SYNE2: variants seen among roughly 807,000 people sequenced by gnomAD.
The protein encoded by SYNE2 is spectrin repeat containing nuclear envelope protein 2.
A neutral mutation model predicts 856.3 loss-of-function variants in SYNE2; 431 were observed. The observed-to-expected ratio is 0.50, with a 90% confidence interval of 0.47 to 0.55. The LOEUF is 0.55. SYNE2 is among the 20% of genes least tolerant of loss of function. The pLI, the probability that SYNE2 is intolerant of heterozygous loss-of-function variation, is 0.00. For missense variants in SYNE2, 8,129 were observed against 8,023.2 expected (o/e 1.01, Z -0.50); for synonymous variants, 2,923 against 2,872.3 (o/e 1.02, Z -0.56).
intron 49 of SYNE2, among the ~76,000 whole-genome samples, chr14:64,058,076 A>G (rs2153582764): frequency 6.6e-6 from 1 of 152,118 alleles, no homozygotes; most frequent in Non-Finnish European, 1.5e-5. Context: ...TTGTCTCTTC[A>G]CTTTGTTGAT....
chr14:64,052,983 G>C lies in SYNE2; in HGVS notation c.9070G>C (p.Val3024Leu), dbSNP rs958445620. Residue 3024 changes from valine to leucine, a missense_variant, in exon 48 of 116, where the codon GTA becomes CTA. Val to Leu is a conservative substitution (Grantham distance 32). Around this residue, in one of 3 missense-constraint regions of SYNE2, gnomAD observed 5,410 missense variants for 5,284.8 expected, o/e 1.02. Transcript: ENST00000555002. ...FSQLDQLQTQ[V>L]FEKEKELEEK... ...ACAACTTGACCAATTACAAACCCAA[G>C]TATTTGAAAAAGAAAAGGAACTTGA... 1 of 1,610,714 alleles carries C rather than the reference G, an allele frequency of 6.2e-7. No individual in the cohort carries two copies. The highest frequency in any genetic ancestry group is 8.5e-7 in the Non-Finnish European group (1 of 1,179,312).
intron 89 of SYNE2, among the ~76,000 whole-genome samples, chr14:64,164,086 G>T (rs374170373): frequency 8.9e-6 from 1 of 112,758 alleles, no homozygotes; most frequent in African/African-American, 3.9e-5. Context: ...CGCCTGGCTT[G>T]CTTATTTATT....
rs745867109 is a variant in SYNE2, at chr14:63,940,577, T to C, written c.80-37T>C. ...ATATGTGCAGGAGGTTTCTGAGGCT[T>C]CTGGTTTTATAACTGCTGTTGTTCT... On this transcript the variant is annotated intron_variant, in intron 2 of 115. Transcript: ENST00000555002. 28 of 1,606,858 alleles carry C rather than the reference T, an allele frequency of 1.7e-5. No homozygotes were observed. In the East Asian group the frequency reaches 5.8e-4, roughly 33 times the overall value.
chr14:63,900,033 C>A (rs1415728862), intron 1 of SYNE2, among the ~76,000 whole-genome samples: 1 of 152,192 alleles, frequency 6.6e-6, no homozygotes, highest in Non-Finnish European at 1.5e-5. Flanking sequence ...TATTCCCATT[C>A]TACAGCAGTG....
rs202240664 is a variant in SYNE2, at chr14:64,223,337, G to C, written c.20339G>C (p.Arg6780Pro). Residue 6780 changes from arginine (R) to proline (P), a missense_variant, in exon 113 of 116, where the codon CGG becomes CCG. This residue lies in a region of SYNE2 where 5,410 missense variants were observed against 5,284.8 expected (regional missense o/e 1.02). Coordinates refer to ENST00000555002, the MANE Select transcript of SYNE2 (RefSeq NM_182914.3). ...HVIEKKLKQLREQVSQDLMAL... is the reference protein window; with the variant it reads ...HVIEKKLKQLPEQVSQDLMAL... ...ATTGAGAAGAAACTCAAACAGTTAC[G>C]GGAGCAAGTGTCCCAAGATTTAATG... The C allele has an allele frequency of 6.8e-6, 11 of 1,614,120 alleles. No homozygotes were observed. The highest frequency in any genetic ancestry group is 3.3e-5 in the South Asian group (3 of 91,034).
intron 89 of SYNE2, among the ~76,000 whole-genome samples, chr14:64,163,796 C>T (rs2098348654): frequency 6.6e-6 from 1 of 152,164 alleles, no homozygotes; most frequent in Admixed American, 6.5e-5. Flanking sequence ...TTCTAGAAGT[C>T]ATATATGTAT....
chr14:64,207,643 G>A (rs2098613450), intron 100 of SYNE2, among the ~76,000 whole-genome samples: 1 of 151,968 alleles, frequency 6.6e-6, no homozygotes, highest in Admixed American at 6.6e-5. Flanking sequence ...CTGGAATGAA[G>A]CTTATATTGC....
chr14:64,125,017 A>T (rs2097928563), intron 70 of SYNE2, 62 bp from the exon 71 acceptor site: 6 of 1,598,882 alleles, frequency 3.8e-6, no homozygotes, highest in South Asian at 3.4e-5. Context: ...ATAAAAAAAT[A>T]AATTAATTAA....
At chr14:64,201,773 G>A (rs2098568360) in intron 99 of SYNE2, among the ~76,000 whole-genome samples, 1 of 152,098 alleles carries the variant, frequency 6.6e-6, no homozygotes, top group Admixed American at 6.5e-5. Context: ...TCTCTCTAGT[G>A]CTCCCAGCTA....
intron 103 of SYNE2, among the ~76,000 whole-genome samples, chr14:64,211,204 C>T (rs2098639292): frequency 6.6e-6 from 1 of 152,136 alleles, no homozygotes; most frequent in South Asian, 2.1e-4. Flanking sequence ...GTCTCAAACT[C>T]CTGGCCTCAA....
chr14:63,911,153 T>G (rs910172201), intron 2 of SYNE2, among the ~76,000 whole-genome samples: 6 of 152,140 alleles, frequency 3.9e-5, no homozygotes. Context: ...AGGGGCCATA[T>G]TCTCCCTGGT....
intron 13 of SYNE2, among the ~76,000 whole-genome samples, 177 bp downstream of exon 13, chr14:63,978,194 A>G (rs1231095378): frequency 2.0e-5 from 3 of 152,236 alleles, no homozygotes; most frequent in Admixed American, 6.5e-5. Context: ...TAGTATGCCA[A>G]CATACCTCCT....
chr14:64,025,513 G>C, intron 41 of SYNE2, 92 bp downstream of exon 41: 1 of 1,263,526 alleles, frequency 7.9e-7, no homozygotes, highest in South Asian at 1.3e-5. Flanking sequence ...CTTCTTAATG[G>C]AAAATCAGAT....
chr14:64,087,139 A>G (rs966082007), intron 57 of SYNE2, among the ~76,000 whole-genome samples: 2 of 136,932 alleles, frequency 1.5e-5, no homozygotes, highest in Admixed American at 1.5e-4. Context: ...TTGTTTTCCT[A>G]AAAGTTTTCT....
At chr14:63,891,753 T>C (rs1198663106) in intron 1 of SYNE2, among the ~76,000 whole-genome samples, 4 of 152,066 alleles carry the variant, frequency 2.6e-5, no homozygotes, top group Non-Finnish European at 5.9e-5. Flanking sequence ...AAAAGATTGC[T>C]TTTGCTAATT....
At chr14:64,221,469 A>G (rs2098693681) in intron 111 of SYNE2, 107 bp from the exon 112 acceptor site, 1 of 1,608,466 alleles carries the variant, frequency 6.2e-7, no homozygotes, top group East Asian at 2.2e-5. Flanking sequence ...GGGTAAGGCC[A>G]GAAAAGCAAA....
chr14:64,019,064 A>G (rs1567067441), intron 34 of SYNE2, among the ~76,000 whole-genome samples: 1 of 152,180 alleles, frequency 6.6e-6, no homozygotes, highest in African/African-American at 2.4e-5. Context: ...TGAGGTCAGG[A>G]GTTTGAGACC....
In SYNE2 at chr14:64,021,506, T is replaced by A. The variant is rs2096935659; in HGVS notation, c.5343T>A (p.Thr1781=). Reference sequence around the variant, plus strand: ...CTTCTGACAGCTTGGAGATCTTCACTAAACTAGAGGTGCTACCGAGCTGCT... The same window carrying A: ...CTTCTGACAGCTTGGAGATCTTCACAAAACTAGAGGTGCTACCGAGCTGCT... ...LSPSDSLEIF[T]KLEEIQQQIL... is the part of the protein sequence containing the mutation. The change falls in exon 36 of 116, where the codon ACT becomes ACA. Residue 1781 remains threonine (T), a synonymous_variant. Coordinates refer to ENST00000555002, the MANE Select transcript of SYNE2 (RefSeq NM_182914.3). The A allele has an allele frequency of 6.2e-7, 1 of 1,613,976 alleles. No individual in the cohort carries two copies. Among genetic ancestry groups the A allele is most frequent in the African/African-American group, 1.3e-5 (1 of 74,918 alleles).
intron 48 of SYNE2, 67 bp from the exon 49 acceptor site, chr14:64,055,877 C>T (rs974052178): frequency 7.8e-7 from 1 of 1,289,298 alleles, no homozygotes. Flanking sequence ...ACCACGAAAA[C>T]TTAAGAATGA....
Sources: allele counts gnomAD v4.1 joint callset (sites outside exome capture counted in the v4.1 genomes callset), GRCh38; gene constraint gnomAD v4.1.1; regional missense constraint gnomAD v4.1.1; transcripts MANE v1.5; gene names NCBI Gene and HGNC (gene_info 2026-07-23, HGNC 2026-07-21).